The following CDC42BPA variants were observed in gnomAD, a reference collection of about 807,000 sequenced individuals.
CDC42BPA encodes CDC42 binding protein kinase alpha, also known as serine/threonine-protein kinase MRCK alpha.
CDC42BPA carries 80 observed loss-of-function variants against 223.5 expected under a neutral mutation model. That is an observed-to-expected ratio of 0.36 (90% CI 0.30 to 0.43). The LOEUF (loss-of-function observed/expected upper bound fraction) is 0.43. Ranked by LOEUF, CDC42BPA falls within the 20% of genes least tolerant of loss-of-function variation. The pLI is 1.00. For missense variants in CDC42BPA, 1,743 were observed against 2,099.9 expected (o/e 0.83, Z 3.32); for synonymous variants, 694 against 718.6 (o/e 0.97, Z 0.55).
At chr1:227,241,423 A>C (rs1414408041) in intron 2 of CDC42BPA, among the ~76,000 whole-genome samples, 2 of 152,146 alleles carry the variant, frequency 1.3e-5, no homozygotes, top group African/African-American at 4.8e-5. Flanking sequence ...TCTAATAGCC[A>C]AAAAATTGGA....
chr1:227,302,214 G>A (rs1221199266), intron 1 of CDC42BPA, among the ~76,000 whole-genome samples: 1 of 152,008 alleles, frequency 6.6e-6, no homozygotes, highest in South Asian at 2.1e-4. Flanking sequence ...CCTTTACCTA[G>A]TTGCAGCTAA....
intron 1 of CDC42BPA, among the ~76,000 whole-genome samples, chr1:227,262,997 T>C (rs1684350817): frequency 6.6e-6 from 1 of 151,982 alleles, no homozygotes; most frequent in Non-Finnish European, 1.5e-5. Flanking sequence ...CCCTGTGAGG[T>C]AGAGGTGGGC....
At chr1:227,261,124 C>CTTTCTTTTTTTTTTTTTTT (rs386417862) in intron 1 of CDC42BPA, among the ~76,000 whole-genome samples, 2,702 of 120,582 alleles carry the variant, frequency 0.022, 213 homozygotes, top group African/African-American at 0.07. Context: ...TTGAGTTTTT[C>CTTTCTTTTTTTTTTTTTTT]TTTTTTTTTG....
chr1:227,119,025 A>C (rs1047400515), intron 12 of CDC42BPA, among the ~76,000 whole-genome samples: 13 of 152,054 alleles, frequency 8.5e-5, no homozygotes, highest in Non-Finnish European at 4.4e-5. Flanking sequence ...AAGACTTTCA[A>C]ATCTTCCCCA....
chr1:227,161,838 T>C (rs74143320), intron 5 of CDC42BPA, among the ~76,000 whole-genome samples: 4,574 of 152,266 alleles, frequency 0.03, 200 homozygotes, highest in African/African-American at 0.1. Context: ...TTCAAACCCC[T>C]ATTGTAGATG....
chr1:227,096,021 G>A (rs1683930510), intron 15 of CDC42BPA, among the ~76,000 whole-genome samples: 1 of 152,168 alleles, frequency 6.6e-6, no homozygotes, highest in Non-Finnish European at 1.5e-5. Flanking sequence ...AATTTTATAT[G>A]ATTGCTTTCT....
At chr1:227,265,544 G>A (rs912405068) in intron 1 of CDC42BPA, among the ~76,000 whole-genome samples, 3 of 151,550 alleles carry the variant, frequency 2.0e-5, no homozygotes, top group African/African-American at 7.3e-5. Flanking sequence ...CAGGAGTATC[G>A]CTTGAATCCG....
intron 15 of CDC42BPA, among the ~76,000 whole-genome samples, chr1:227,092,521 C>T (rs77876793): frequency 0.069 from 10,545 of 152,098 alleles, 563 homozygotes; most frequent in East Asian, 0.25. Context: ...TAGTTTGAGA[C>T]CAAATTAGAT....
intron 16 of CDC42BPA, among the ~76,000 whole-genome samples, chr1:227,091,139 T>C (rs925998339): frequency 1.3e-5 from 2 of 152,172 alleles, no homozygotes; most frequent in African/African-American, 4.8e-5. Context: ...GTCCCTGTTC[T>C]TGCCAAGGGA....
At chr1:227,065,050 T>A (rs1356994478) in intron 21 of CDC42BPA, among the ~76,000 whole-genome samples, 1 of 151,866 alleles carries the variant, frequency 6.6e-6, no homozygotes, top group African/African-American at 2.4e-5. Flanking sequence ...TGAGCTGAGA[T>A]CGCGCCACTG....
chr1:227,175,890 A>G (rs1666871675), intron 5 of CDC42BPA, among the ~76,000 whole-genome samples: 1 of 152,158 alleles, frequency 6.6e-6, no homozygotes, highest in Non-Finnish European at 1.5e-5. Flanking sequence ...GTCAATAGGG[A>G]TGCTCACTGC....
chr1:226,997,369 G>A (rs748483621), intron 35 of CDC42BPA, among the ~76,000 whole-genome samples: 6 of 151,592 alleles, frequency 4.0e-5, no homozygotes, highest in South Asian at 2.1e-4. Context: ...TCTGGCTAGC[G>A]GCCTATTTTG....
chr1:227,045,505 T>A (rs1237307852), intron 23 of CDC42BPA, among the ~76,000 whole-genome samples: 1 of 152,196 alleles, frequency 6.6e-6, no homozygotes, highest in Non-Finnish European at 1.5e-5. Flanking sequence ...TGGAAACATG[T>A]CTTTTAGTTA....
At chr1:227,082,714 C>CAAAAAAAAAAAAAA (rs71574595) in intron 16 of CDC42BPA, among the ~76,000 whole-genome samples, 2 of 59,526 alleles carry the variant, frequency 3.4e-5, no homozygotes, top group South Asian at 1.8e-3. Context: ...GACTCTGTCT[C>CAAAAAAAAAAAAAA]AAAAAAAAAA....
Position 227,073,735 on chromosome 1 carries a change from A to T in CDC42BPA, c.2735+129T>A, listed in dbSNP as rs542638180. The T allele has an allele frequency of 4.2e-5, 29 of 684,256 alleles. No homozygotes were observed. In the East Asian group the frequency reaches 8.6e-4, roughly 20 times the overall value. The allele number at this position is 684,256 out of a possible 1,614,324, so 42.4% of individuals were successfully genotyped here. On this transcript the variant is annotated intron_variant, in intron 19 of 36. Coordinates refer to ENST00000366766, the MANE Select transcript of CDC42BPA (RefSeq NM_001394014.1). ...GCTTAAAAGCATCTAGTTATTTTCA[A>T]ATCTTTGTAACATATTTGGCCATCA...
chr1:227,268,681 C>CATATATATAT (rs1403307930), intron 1 of CDC42BPA, among the ~76,000 whole-genome samples: 3,250 of 140,348 alleles, frequency 0.023, 118 homozygotes, highest in African/African-American at 0.081. Flanking sequence ...TATATATATA[C>CATATATATAT]ACACACACAC....
chr1:227,124,473 GTA>G (rs1480252442), intron 11 of CDC42BPA, among the ~76,000 whole-genome samples: 1 of 151,926 alleles, frequency 6.6e-6, no homozygotes, highest in East Asian at 1.9e-4. Context: ...TTCTTTGAAG[GTA>G]TATATATTTT....
chr1:227,043,652 T>G (rs1671829585), intron 23 of CDC42BPA, among the ~76,000 whole-genome samples: 2 of 152,172 alleles, frequency 1.3e-5, no homozygotes, highest in Non-Finnish European at 2.9e-5. Flanking sequence ...TGCCTTTTCA[T>G]CCTTGATGAT....
intron 22 of CDC42BPA, among the ~76,000 whole-genome samples, chr1:227,048,653 T>A (rs894610445): frequency 4.0e-5 from 6 of 151,042 alleles, no homozygotes; most frequent in African/African-American, 1.5e-4. Flanking sequence ...TTTTATGGGG[T>A]TTTATTGTAA....
Sources: allele counts gnomAD v4.1 joint callset (sites outside exome capture counted in the v4.1 genomes callset), GRCh38; gene constraint gnomAD v4.1.1; transcripts MANE v1.5; gene names NCBI Gene and HGNC (gene_info 2026-07-23, HGNC 2026-07-21).